Variants in TTLL6 observed in about 807,000 individuals in gnomAD.
TTLL6 encodes the protein tubulin polyglutamylase TTLL6.
A neutral mutation model predicts 96.4 loss-of-function variants in TTLL6; 75 were observed. That is an observed-to-expected ratio of 0.78 (90% CI 0.65 to 0.94). TTLL6 has a LOEUF of 0.94. Among genes scored for constraint, TTLL6 ranks in the 40% least tolerant of loss-of-function variants. The probability of loss-of-function intolerance (pLI) is 0.00; values close to 1 mark genes in which losing one functional copy is unlikely to be tolerated. For synonymous variants in TTLL6, 411 were observed against 419.4 expected (o/e 0.98, Z 0.24); for missense variants, 1,030 against 1,093.0 (o/e 0.94, Z 0.81).
intron 8 of TTLL6, among the ~76,000 whole-genome samples, chr17:48,793,029 G>A (rs1367229366): frequency 6.6e-6 from 1 of 152,192 alleles, no homozygotes; most frequent in Non-Finnish European, 1.5e-5. Context: ...TGAGCACACT[G>A]AAAGATGAAG....
intron 8 of TTLL6, chr17:48,794,437 A>G: frequency 7.3e-7 from 1 of 1,361,232 alleles, no homozygotes; most frequent in Non-Finnish European, 9.7e-7. Flanking sequence ...CATCACGTTC[A>G]TCCTCCAGAC....
chr17:48,801,756 C>T (rs867139993), intron 3 of TTLL6, 113 bp from the exon 4 acceptor site: 1 of 786,850 alleles, frequency 1.3e-6, no homozygotes, highest in Non-Finnish European at 2.0e-6. Context: ...AATCTCGGCT[C>T]CTCGAGACTG....
intron 13 of TTLL6, 86 bp from the exon 14 acceptor site, chr17:48,770,183 G>A: frequency 6.7e-7 from 1 of 1,486,894 alleles, no homozygotes; most frequent in East Asian, 2.3e-5. Flanking sequence ...TATTTTTTGA[G>A]ACAAGGTCTT....
At chr17:48,802,896 G>A (rs902018227) in intron 3 of TTLL6, among the ~76,000 whole-genome samples, 1 of 150,446 alleles carries the variant, frequency 6.6e-6, no homozygotes, top group Non-Finnish European at 1.5e-5. Flanking sequence ...ATGGCCAGGC[G>A]CAGTGGCTCA....
intron 13 of TTLL6, among the ~76,000 whole-genome samples, chr17:48,773,333 T>C (rs1180148368): frequency 6.6e-6 from 1 of 152,172 alleles, no homozygotes; most frequent in Non-Finnish European, 1.5e-5. Context: ...CATCAACTTA[T>C]AAAAACAAGA....
intron 8 of TTLL6, 97 bp from the exon 9 acceptor site, chr17:48,791,700 G>T (rs1162587502): frequency 7.6e-6 from 8 of 1,058,380 alleles, no homozygotes; most frequent in East Asian, 2.4e-5. Context: ...CGGAGACAAG[G>T]CTCCAGAGCC....
At chr17:48,777,876 A>G (rs1454918077) in intron 13 of TTLL6, among the ~76,000 whole-genome samples, 4 of 152,146 alleles carry the variant, frequency 2.6e-5, no homozygotes, top group African/African-American at 4.8e-5. Context: ...GTGCTACCGC[A>G]CTCCAGCCTG....
Position 48,797,127 on chromosome 17 carries a change from A to G in TTLL6, c.846T>C (p.Phe282=), listed in dbSNP as rs559603179. ...LVTSCDPLRI[F]VYNEGLARFA... is the part of the protein sequence containing the mutation. ...AGCGGGCCAGTCCTTCATTGTACAC[A>G]AAAATCCTGAGAGGGTCACAGGATG... Residue 282 remains phenylalanine, a synonymous_variant, in exon 7 of 16, where the codon TTT becomes TTC. Transcript: ENST00000393382. 2 of 1,551,634 alleles carry G rather than the reference A, an allele frequency of 1.3e-6. No homozygotes were observed. The highest frequency in any genetic ancestry group is 2.4e-5 in the South Asian group (2 of 84,060).
rs1224781798 is a variant in TTLL6, at chr17:48,796,133, A to G, written c.926T>C (p.Met309Thr). The change falls in exon 8 of 16, where the codon ATG (methionine) becomes ACG (threonine). Residue 309 changes from methionine to threonine, a missense_variant. Transcript: ENST00000393382. ...PCTDNLDDIC[M>T]HLTNYSINKH... ...ATTAATGGAATAATTAGTCAGGTGC[A>G]TGCAGATATCATCCTGGGGAAAAAG... 8 of 1,551,306 alleles carry G rather than the reference A, an allele frequency of 5.2e-6. No individual in the cohort carries two copies. The highest frequency in any genetic ancestry group is 2.7e-5 in the African/African-American group (2 of 73,054).
In TTLL6 at chr17:48,796,152, GA is replaced by G; in HGVS notation, c.913-7del. The G allele has an allele frequency of 6.5e-7, 1 of 1,550,328 alleles. No individual in the cohort carries two copies. The highest frequency in any genetic ancestry group is 8.7e-7 in the Non-Finnish European group (1 of 1,146,012). ...AGGTGCATGCAGATATCATCCTGGGGAAAAAGACACACATCTGTCGGGTCAG... is the reference window on the plus strand; with the variant it reads ...AGGTGCATGCAGATATCATCCTGGGGAAAAGACACACATCTGTCGGGTCAG... On this transcript the variant is annotated splice_region_variant and splice_polypyrimidine_tract_variant and intron_variant, in intron 7 of 15. Coordinates refer to ENST00000393382, the MANE Select transcript of TTLL6 (RefSeq NM_001130918.3).
Position 48,769,250 on chromosome 17 carries a change from GTT to G in TTLL6, c.2413_2414del (p.Asn805ProfsTer12). The G allele has an allele frequency of 6.3e-7, 1 of 1,596,504 alleles. No individual in the cohort carries two copies. The highest frequency in any genetic ancestry group is 1.1e-5 in the South Asian group (1 of 89,760). ...AGTGGCACTCCCCAGGCAGGGAGGG[GTT>G]TTCTGGAAAGGCAAAGTCAGAAGCA... is the stretch of plus-strand genomic sequence containing the variant. The part of the protein sequence containing the change: ...PKLGMNNLSQ[N>X]PSLPGECHSR... On this transcript the variant is annotated frameshift_variant and splice_region_variant, in exon 15 of 16. Coordinates refer to ENST00000393382, the MANE Select transcript of TTLL6 (RefSeq NM_001130918.3). LOFTEE classifies it high-confidence loss of function.
rs1477232729 is a variant in TTLL6, at chr17:48,804,751, TC to T, written c.323+20del. The stretch of plus-strand genomic sequence containing the variant: ...TGTTATTACCAACATGGCTCCCCAT[TC>T]CCCAGCTTTCAATCCTAACCTCTTT... On this transcript the variant is annotated intron_variant, in intron 2 of 15. Transcript: ENST00000393382. The T allele has an allele frequency of 6.5e-7, 1 of 1,548,620 alleles. No individual in the cohort carries two copies. The highest frequency in any genetic ancestry group is 1.2e-5 in the South Asian group (1 of 83,968).
chr17:48,816,857 T>C, intron 1 of TTLL6, 113 bp downstream of exon 1: 1 of 752,556 alleles, frequency 1.3e-6, no homozygotes, highest in Non-Finnish European at 2.0e-6. Context: ...CGGGCTACCC[T>C]GGGGACCTGG....
At chr17:48,807,995 C>A (rs1003211581) in intron 1 of TTLL6, among the ~76,000 whole-genome samples, 18 of 152,274 alleles carry the variant, frequency 1.2e-4, no homozygotes, top group Non-Finnish European at 2.6e-4. Context: ...CCCGCCACCA[C>A]GCCCGGCTAA....
chr17:48,777,130 C>G (rs1002735107), intron 13 of TTLL6, among the ~76,000 whole-genome samples: 3 of 151,528 alleles, frequency 2.0e-5, no homozygotes, highest in African/African-American at 7.3e-5. Context: ...GCCAAGTTAC[C>G]AAAGCAATTC....
chr17:48,805,092 C>T lies in TTLL6; in HGVS notation c.104-101G>A, dbSNP rs1173312660. ...AGAGACCCAGGGTTCTAATTCAACGCAACAGGTTGCAGTTTATAAAATGCC... is the reference window on the plus strand; with the variant it reads ...AGAGACCCAGGGTTCTAATTCAACGTAACAGGTTGCAGTTTATAAAATGCC... On this transcript the variant is annotated intron_variant, in intron 1 of 15. Transcript: ENST00000393382. 3 of 938,934 alleles carry T rather than the reference C, an allele frequency of 3.2e-6. No individual in the cohort carries two copies. In the Admixed American group the frequency reaches 7.4e-5, roughly 23 times the overall value. The allele number at this position is 938,934 out of a possible 1,614,324, so 58.2% of individuals were successfully genotyped here.
intron 1 of TTLL6, among the ~76,000 whole-genome samples, chr17:48,809,259 A>C (rs1258817119): frequency 1.3e-5 from 2 of 152,178 alleles, no homozygotes; most frequent in African/African-American, 2.4e-5. Flanking sequence ...CTTCTGAGTC[A>C]ATTGTTCCCA....
intron 13 of TTLL6, among the ~76,000 whole-genome samples, chr17:48,773,662 C>T (rs995103353): frequency 6.6e-6 from 1 of 151,982 alleles, no homozygotes; most frequent in Non-Finnish European, 1.5e-5. Context: ...ATTGAGGTTG[C>T]AGTGAGCCAT....
At chr17:48,786,477 T>C (rs2039098070) in intron 11 of TTLL6, 142 bp from the exon 12 acceptor site, 4 of 953,782 alleles carry the variant, frequency 4.2e-6, no homozygotes, top group South Asian at 1.5e-5. Flanking sequence ...TCTGCACAAG[T>C]GATTGAATGT....
Sources: gnomAD v4.1 joint callset for allele counts (sites outside exome capture counted in the v4.1 genomes callset) on GRCh38, gnomAD v4.1.1 for gene constraint, MANE v1.5 for transcripts, NCBI Gene and HGNC (gene_info 2026-07-23, HGNC 2026-07-21) for gene names.